Variants in SEMA5A observed in about 807,000 individuals in gnomAD.
SEMA5A encodes the protein semaphorin-5A.
In SEMA5A, 55 loss-of-function variants were observed where a neutral mutation model predicts 135.5. That is an observed-to-expected ratio of 0.41 (90% CI 0.33 to 0.51). The LOEUF (loss-of-function observed/expected upper bound fraction) is 0.51. Ranked by LOEUF, SEMA5A falls within the 20% of genes least tolerant of loss-of-function variation. The probability of loss-of-function intolerance (pLI) is 0.37; values close to 1 mark genes in which losing one functional copy is unlikely to be tolerated. For synonymous variants in SEMA5A, 580 were observed against 546.5 expected, an observed-to-expected ratio of 1.06 and a Z score of -0.85; for missense variants, 1,290 against 1,419.9, an observed-to-expected ratio of 0.91 and a Z score of 1.47.
Position 9,258,803 on chromosome 5 carries a change from C to CTTTTTTTTTTTTTTTTTTTTTT in SEMA5A, c.271-20935_271-20914dup, listed in dbSNP as rs748703578. Among the ~76,000 whole-genome samples, 9 of 48,990 alleles carry CTTTTTTTTTTTTTTTTTTTTTT rather than the reference C, an allele frequency of 1.8e-4. 1 individual carries two copies. The highest frequency in any genetic ancestry group is 2.1e-4 in the Non-Finnish European group (6 of 28,906). 32.1% of individuals were successfully genotyped at this position (48,990 alleles called of 152,430 possible). On this transcript the variant is annotated intron_variant, in intron 5 of 22. Coordinates refer to ENST00000382496, the MANE Select transcript of SEMA5A (RefSeq NM_003966.3). Reference sequence around the variant, plus strand: ...ATTATTTGTCTTTTCTTCTTTCTTTCTTTTTTTTTTTTTTTTTTTTTTTTT... The same window carrying CTTTTTTTTTTTTTTTTTTTTTT: ...ATTATTTGTCTTTTCTTCTTTCTTTCTTTTTTTTTTTTTTTTTTTTTTTTTTTTTTTTTTTTTTTTTTTTTTT...
chr5:9,223,762 CGTGT>C (rs1561041804), intron 8 of SEMA5A, among the ~76,000 whole-genome samples: 1 of 152,044 alleles, frequency 6.6e-6, no homozygotes, highest in Admixed American at 6.5e-5. Flanking sequence ...TGTGTATGTG[CGTGT>C]GTGTGTGAGA....
At chr5:9,147,600 C>T (rs79711781) in intron 12 of SEMA5A, among the ~76,000 whole-genome samples, 1,523 of 152,026 alleles carry the variant, frequency 0.01, 22 homozygotes, top group African/African-American at 0.035. Context: ...TCCATCTTTC[C>T]CTCTAGTCTT....
At chr5:9,102,616 A>G (rs1474761945) in intron 16 of SEMA5A, among the ~76,000 whole-genome samples, 1 of 151,742 alleles carries the variant, frequency 6.6e-6, no homozygotes, top group Admixed American at 6.6e-5. Context: ...TTACTAAAAC[A>G]GCATTGTCAG....
At chr5:9,120,652 T>C (rs1740764359) in intron 14 of SEMA5A, among the ~76,000 whole-genome samples, 1 of 152,220 alleles carries the variant, frequency 6.6e-6, no homozygotes, top group African/African-American at 2.4e-5. Flanking sequence ...GCAGTTTTAA[T>C]ATAAATAAAT....
rs144283242 is a variant in SEMA5A, at chr5:9,149,253, T to C, written c.1481+5235A>G. 3.5e-3 allele frequency among the ~76,000 whole-genome samples: 538 copies of C among 152,276 alleles called. 2 individuals carry two copies. The highest frequency in any genetic ancestry group is 0.012 in the African/African-American group (519 of 41,556). Reference sequence around the variant, plus strand: ...GAGGAGTTTCAACAGAGACTGGACATCTGTGCAGCCTACAAGTGTTTCTCT... The same window carrying C: ...GAGGAGTTTCAACAGAGACTGGACACCTGTGCAGCCTACAAGTGTTTCTCT... On this transcript the variant is annotated intron_variant, in intron 12 of 22. Coordinates refer to ENST00000382496, the MANE Select transcript of SEMA5A (RefSeq NM_003966.3).
chr5:9,346,252 G>A (rs915585797), intron 3 of SEMA5A, among the ~76,000 whole-genome samples: 7 of 108,916 alleles, frequency 6.4e-5, no homozygotes, highest in Admixed American at 1.0e-4. Context: ...AGAGATGTCC[G>A]GACTCCAGGG....
At chr5:9,234,966 T>A (rs1458774656) in intron 6 of SEMA5A, among the ~76,000 whole-genome samples, 1 of 152,180 alleles carries the variant, frequency 6.6e-6, no homozygotes, top group Non-Finnish European at 1.5e-5. Flanking sequence ...TTTACTTAAG[T>A]TCTAAGCACC....
chr5:9,323,550 A>C (rs796772517), intron 4 of SEMA5A, among the ~76,000 whole-genome samples: 4 of 152,062 alleles, frequency 2.6e-5, no homozygotes, highest in African/African-American at 9.7e-5. Context: ...ACATCTATTT[A>C]ATGTGTATAT....
intron 11 of SEMA5A, among the ~76,000 whole-genome samples, chr5:9,166,665 C>T (rs1019628782): frequency 7.9e-5 from 12 of 152,152 alleles, no homozygotes; most frequent in African/African-American, 2.7e-4. Flanking sequence ...ACCTCAAAAG[C>T]TCCTTGCAGT....
At chr5:9,458,128 C>T (rs1330441672) in intron 1 of SEMA5A, among the ~76,000 whole-genome samples, 4 of 151,782 alleles carry the variant, frequency 2.6e-5, no homozygotes, top group Non-Finnish European at 5.9e-5. Flanking sequence ...AGGATGGTCT[C>T]GATCTCCTGA....
At chr5:9,080,274 C>T (rs1738303585) in intron 16 of SEMA5A, among the ~76,000 whole-genome samples, 1 of 152,154 alleles carries the variant, frequency 6.6e-6, no homozygotes, top group Non-Finnish European at 1.5e-5. Context: ...TGGAAACCAT[C>T]ATTCTCAGCA....
At chr5:9,138,108 G>A (rs546357294) in intron 12 of SEMA5A, among the ~76,000 whole-genome samples, 3 of 152,276 alleles carry the variant, frequency 2.0e-5, no homozygotes, top group Admixed American at 6.5e-5. Context: ...TTTCTCAGAA[G>A]TAGGGCTAGG....
chr5:9,066,492 A>G lies in SEMA5A; in HGVS notation c.2228T>C (p.Leu743Pro). 1 of 1,614,182 alleles carries G rather than the reference A, an allele frequency of 6.2e-7. No individual in the cohort carries two copies. Among genetic ancestry groups the G allele is most frequent in the Non-Finnish European group, 8.5e-7 (1 of 1,180,034 alleles). ...CKARLADPNLLEVGRQRIEMR... is the reference protein window; with the variant it reads ...CKARLADPNLPEVGRQRIEMR... ...TTCGATTCTCTGTCTTCCCACTTCC[A>G]GCAAATTCGGATCAGCCAGGCGGGC... Residue 743 changes from leucine (L) to proline (P), a missense_variant, in exon 17 of 23, where the codon CTG (leucine) becomes CCG (proline). Transcript: ENST00000382496.
At chr5:9,477,113 TTCTC>T (rs145236684) in intron 1 of SEMA5A, among the ~76,000 whole-genome samples, 6 of 148,556 alleles carry the variant, frequency 4.0e-5, no homozygotes, top group Non-Finnish European at 7.5e-5. Flanking sequence ...CTCCTTCTCA[TTCTC>T]TCTCTCTCTC....
chr5:9,329,898 C>T (rs982310757), intron 4 of SEMA5A, among the ~76,000 whole-genome samples: 9 of 152,152 alleles, frequency 5.9e-5, no homozygotes, highest in African/African-American at 2.2e-4. Context: ...TAAATCATCT[C>T]TAGATTACTT....
intron 1 of SEMA5A, among the ~76,000 whole-genome samples, chr5:9,473,124 T>TAA (rs60668596): frequency 0.84 from 122,153 of 144,690 alleles, 51,629 homozygotes; most frequent in African/African-American, 0.86. Context: ...CAAAATAAAA[T>TAA]ATATATATAT....
chr5:9,531,338 T>C (rs1737424573), intron 1 of SEMA5A, among the ~76,000 whole-genome samples: 1 of 152,194 alleles, frequency 6.6e-6, no homozygotes, highest in African/African-American at 2.4e-5. Context: ...GAACTATATC[T>C]GCAGACACCA....
At chr5:9,289,398 A>C (rs6881882) in intron 5 of SEMA5A, among the ~76,000 whole-genome samples, 151,471 of 152,316 alleles carry the variant, frequency 0.99, 75,319 homozygotes, top group East Asian at 1. Context: ...GAAGTGGACA[A>C]CTCAAACAGA....
intron 16 of SEMA5A, among the ~76,000 whole-genome samples, chr5:9,075,637 G>A (rs146017353): frequency 1.3e-5 from 2 of 151,482 alleles, no homozygotes; most frequent in African/African-American, 4.8e-5. Context: ...GAGACAGAAA[G>A]CAATCAGTGC....
Sources: gnomAD v4.1 joint callset for allele counts (sites outside exome capture counted in the v4.1 genomes callset) on GRCh38, gnomAD v4.1.1 for gene constraint, MANE v1.5 for transcripts, NCBI Gene and HGNC (gene_info 2026-07-23, HGNC 2026-07-21) for gene names.